The following ABHD18 variants were observed in gnomAD, a reference collection of about 807,000 sequenced individuals.
ABHD18 encodes the protein abhydrolase domain containing 18.
Under a neutral mutation model 65.9 loss-of-function variants are expected in ABHD18, and 55 were observed. That is an observed-to-expected ratio of 0.84 (90% CI 0.67 to 1.05). ABHD18 has a LOEUF of 1.05. ABHD18 is among the 50% of genes least tolerant of loss of function. The pLI, the probability that ABHD18 is intolerant of heterozygous loss-of-function variation, is 0.00. For synonymous variants in ABHD18, 181 were observed against 180.2 expected (o/e 1.00, Z -0.04); for missense variants, 533 against 558.5 (o/e 0.95, Z 0.46).
At chr4:128,023,403 CAAAAAAAAAAAAAAAA>C (rs59549849) in intron 10 of ABHD18, among the ~76,000 whole-genome samples, 5 of 44,964 alleles carry the variant, frequency 1.1e-4, no homozygotes, top group South Asian at 3.5e-3. Context: ...CTTGTCTCTA[CAAAAAAAAAAAAAAAA>C]AAAAAAAAAA....
intron 4 of ABHD18, among the ~76,000 whole-genome samples, chr4:128,006,856 G>A (rs1053220041): frequency 1.3e-5 from 2 of 152,182 alleles, no homozygotes; most frequent in Non-Finnish European, 2.9e-5. Context: ...AGGCCATGGC[G>A]GGAGGATCAC....
intron 10 of ABHD18, among the ~76,000 whole-genome samples, chr4:128,025,321 A>G (rs1757185941): frequency 6.6e-6 from 1 of 151,986 alleles, no homozygotes; most frequent in Non-Finnish European, 1.5e-5. Flanking sequence ...TATTTTTTGT[A>G]GAGATGGGAT....
At chr4:127,973,429 C>T (rs1747237979) in intron 1 of ABHD18, among the ~76,000 whole-genome samples, 1 of 151,906 alleles carries the variant, frequency 6.6e-6, no homozygotes, top group African/African-American at 2.4e-5. Context: ...AAGTAAGTAA[C>T]ACCTGTTATT....
intron 3 of ABHD18, among the ~76,000 whole-genome samples, chr4:127,987,357 A>G (rs996262028): frequency 3.3e-5 from 5 of 152,098 alleles, no homozygotes; most frequent in Admixed American, 3.3e-4. Flanking sequence ...GTCTCAAAAA[A>G]TAGTAATAAT....
intron 4 of ABHD18, chr4:128,001,764 G>T: frequency 6.5e-7 from 1 of 1,545,912 alleles, no homozygotes; most frequent in Non-Finnish European, 8.7e-7. Flanking sequence ...TACCTTTGTA[G>T]GTAACCAGTT....
chr4:127,994,618 C>T (rs1168144112), intron 4 of ABHD18, among the ~76,000 whole-genome samples: 1 of 152,042 alleles, frequency 6.6e-6, no homozygotes, highest in Non-Finnish European at 1.5e-5. Flanking sequence ...ACAAAATGTC[C>T]ATTTGAGCAA....
At chr4:128,012,817 G>A (rs996791488) in intron 7 of ABHD18, among the ~76,000 whole-genome samples, 9 of 152,044 alleles carry the variant, frequency 5.9e-5, no homozygotes, top group Non-Finnish European at 1.3e-4. Context: ...TGTAATCCCA[G>A]CACTTTGGGA....
chr4:127,969,871 T>C (rs1430593345), intron 1 of ABHD18, among the ~76,000 whole-genome samples: 2 of 151,876 alleles, frequency 1.3e-5, no homozygotes, highest in African/African-American at 4.8e-5. Flanking sequence ...CACAGCCTAC[T>C]GAGTAGCTGG....
chr4:127,990,209 G>T lies in ABHD18; in HGVS notation c.278+388G>T, dbSNP rs79155197. Among the ~76,000 whole-genome samples the T allele has an allele frequency of 3.5e-3, 539 of 152,224 alleles. 3 individuals are homozygous for T. The highest frequency in any genetic ancestry group is 0.012 in the African/African-American group (511 of 41,530). ...AACAATCACAGAGAAGTTTCCAAAG[G>T]ATATATATGAATATACAAACTCTGC... On this transcript the variant is annotated intron_variant, in intron 4 of 12. Transcript: ENST00000645843.
chr4:128,025,996 T>C (rs1351812949), intron 10 of ABHD18, among the ~76,000 whole-genome samples: 1 of 151,966 alleles, frequency 6.6e-6, no homozygotes, highest in African/African-American at 2.4e-5. Context: ...CTATTAAGAA[T>C]ATAAAAAATT....
intron 2 of ABHD18, among the ~76,000 whole-genome samples, chr4:127,983,723 G>A (rs1262718610): frequency 6.6e-6 from 1 of 152,130 alleles, no homozygotes; most frequent in Non-Finnish European, 1.5e-5. Context: ...AAATTAAGCG[G>A]GCATGGTGAC....
intron 4 of ABHD18, among the ~76,000 whole-genome samples, chr4:128,003,724 G>A (rs544062994): frequency 4.0e-5 from 6 of 151,790 alleles, no homozygotes; most frequent in African/African-American, 1.4e-4. Context: ...TTTTATTGAG[G>A]TACATTTTAC....
At chr4:128,035,576 GA>G (rs887961568) in intron 12 of ABHD18, among the ~76,000 whole-genome samples, 185 bp from the exon 13 acceptor site, 13 of 147,770 alleles carry the variant, frequency 8.8e-5, no homozygotes, top group Admixed American at 6.8e-5. Flanking sequence ...TGTCTCAAAA[GA>G]AAAAAAAAAG....
At chr4:127,982,567 A>G (rs1461533028) in intron 1 of ABHD18, among the ~76,000 whole-genome samples, 1 of 152,158 alleles carries the variant, frequency 6.6e-6, no homozygotes, top group African/African-American at 2.4e-5. Context: ...AATTGTTGGT[A>G]GGTTTAATGA....
chr4:128,032,207 T>G (rs1311277903), intron 12 of ABHD18, among the ~76,000 whole-genome samples: 2 of 152,214 alleles, frequency 1.3e-5, no homozygotes, highest in Non-Finnish European at 2.9e-5. Flanking sequence ...AATTGCTCTG[T>G]TATTATCCCC....
intron 4 of ABHD18, among the ~76,000 whole-genome samples, chr4:128,008,232 A>AGCC (rs1560887679): frequency 7.1e-6 from 1 of 141,368 alleles, no homozygotes; most frequent in Non-Finnish European, 1.5e-5. Context: ...ACCGCCCTCT[A>AGCC]GCCTGGGCAA....
At chr4:128,030,429 G>C in intron 11 of ABHD18, 81 bp from the exon 12 acceptor site, 1 of 970,012 alleles carries the variant, frequency 1.0e-6, no homozygotes, top group Non-Finnish European at 1.4e-6. Flanking sequence ...TTAGTTTGAC[G>C]AATGTTTTAT....
rs1759128613 is a variant in ABHD18, at chr4:128,039,143, GCATATA to G, written c.*3331_*3336del. On this transcript the variant is annotated 3_prime_UTR_variant, in exon 13 of 13. Transcript: ENST00000645843. The stretch of plus-strand genomic sequence containing the variant: ...ATATGTATTATATATACACACATAT[GCATATA>G]TATATATATATATATATATATATAT... The G allele has an allele frequency of 2.7e-5, 1 of 37,728 alleles. No individual in the cohort carries two copies. 2.3% of individuals were successfully genotyped at this position (37,728 alleles called of 1,614,324 possible).
rs1206550632 is a variant in ABHD18, at chr4:128,039,094, GTATA to G, written c.*3287_*3290del. The G allele has an allele frequency of 2.3e-5, 3 of 132,962 alleles. No individual in the cohort carries two copies. The highest frequency in any genetic ancestry group is 3.1e-5 in the Non-Finnish European group (2 of 63,672). 8.2% of individuals were successfully genotyped at this position (132,962 alleles called of 1,614,324 possible). The stretch of plus-strand genomic sequence containing the variant: ...TATATATACACACACACGTATGTGT[GTATA>G]TATATGTATGTACGTATATATATGT... On this transcript the variant is annotated 3_prime_UTR_variant, in exon 13 of 13. Transcript: ENST00000645843.
Sources: allele counts gnomAD v4.1 joint callset (sites outside exome capture counted in the v4.1 genomes callset), GRCh38; gene constraint gnomAD v4.1.1; transcripts MANE v1.5; gene names NCBI Gene and HGNC (gene_info 2026-07-23, HGNC 2026-07-21).